The following ITGA11 variants were observed in gnomAD, a reference collection of about 807,000 sequenced individuals.
The protein encoded by ITGA11 is integrin subunit alpha 11, also known as integrin alpha-11.
A neutral mutation model predicts 141.9 loss-of-function variants in ITGA11; 97 were observed. The observed-to-expected ratio is 0.68, with a 90% CI of 0.58 to 0.81. The LOEUF is 0.81. ITGA11 is among the 30% of genes least tolerant of loss of function. The pLI is 0.00. For missense variants in ITGA11, 1,387 were observed against 1,559.2 expected, an observed-to-expected ratio of 0.89 and a Z score of 1.86; for synonymous variants, 658 against 624.6, an observed-to-expected ratio of 1.05 and a Z score of -0.80.
chr15:68,402,340 T>TA (rs932206736), intron 2 of ITGA11, among the ~76,000 whole-genome samples: 17 of 151,548 alleles, frequency 1.1e-4, no homozygotes, highest in East Asian at 1.9e-4. Context: ...ATGGTACATT[T>TA]AAAAAAAAAT....
intron 2 of ITGA11, among the ~76,000 whole-genome samples, chr15:68,385,720 C>T (rs1895969947): frequency 6.6e-6 from 1 of 152,160 alleles, no homozygotes; most frequent in Non-Finnish European, 1.5e-5. Context: ...GGAAATGCTG[C>T]AGAAATGGAA....
At position 68,320,296 on chromosome 15, in the gene ITGA11, G is replaced by C. The variant is rs2140286760; in HGVS notation, c.2505C>G (p.Arg835=). 1 of 1,614,004 alleles carries C rather than the reference G, an allele frequency of 6.2e-7. No individual in the cohort carries two copies. The highest frequency in any genetic ancestry group is 8.5e-7 in the Non-Finnish European group (1 of 1,179,878). ...GTGTGGCCTCCACCGCCACTCGCTG[G>C]CGTGTGCTCTCTATGATGAAGACTG... ...DTTVFIIEST[R]QRVAVEATLE... The change falls in exon 20 of 30, where the codon CGC becomes CGG. Residue 835 remains arginine, a synonymous_variant. Transcript: ENST00000315757.
chr15:68,312,749 TAC>T, intron 24 of ITGA11, 22 bp downstream of exon 24: 1 of 1,568,606 alleles, frequency 6.4e-7, no homozygotes, highest in Non-Finnish European at 8.8e-7. Context: ...CTTCCCCCTC[TAC>T]CCGGCTCCCC....
At chr15:68,347,243 C>T (rs1466443131) in intron 10 of ITGA11, among the ~76,000 whole-genome samples, 1 of 152,232 alleles carries the variant, frequency 6.6e-6, no homozygotes, top group East Asian at 1.9e-4. Context: ...CCCTCAGACT[C>T]TGAGCTCCTT....
At chr15:68,348,372 G>T (rs1041096054) in intron 10 of ITGA11, among the ~76,000 whole-genome samples, 1 of 152,212 alleles carries the variant, frequency 6.6e-6, no homozygotes, top group African/African-American at 2.4e-5. Flanking sequence ...TGTGCAGGCC[G>T]CCTTGGGCAC....
chr15:68,341,592 G>C (rs1360011802), intron 10 of ITGA11, among the ~76,000 whole-genome samples: 1 of 152,214 alleles, frequency 6.6e-6, no homozygotes, highest in Non-Finnish European at 1.5e-5. Flanking sequence ...TGTGGGTCCA[G>C]CTTTCCATTT....
At position 68,311,395 on chromosome 15, in the gene ITGA11, G is replaced by C; in HGVS notation, c.2982C>G (p.Asn994Lys). The change falls in exon 25 of 30, where the codon AAC becomes AAG. Residue 994 changes from asparagine (N) to lysine (K), a missense_variant. Asn to Lys is a moderately conservative substitution (Grantham distance 94, BLOSUM62 0). Transcript: ENST00000315757. Reference sequence around the variant, plus strand: ...TCCCGTGGATGGGGAACAAGCCCAAGTTCTGGATCTGTGGCCAGAGACAGG... The same window carrying C: ...TCCCGTGGATGGGGAACAAGCCCAACTTCTGGATCTGTGGCCAGAGACAGG... Reference protein sequence around the residue: ...PPFSCIFRIQNLGLFPIHGMM... With the variant: ...PPFSCIFRIQKLGLFPIHGMM... 6.4e-7 allele frequency: 1 copy of C among 1,560,688 alleles called. No individual in the cohort carries two copies. Among genetic ancestry groups the C allele is most frequent in the Non-Finnish European group, 8.7e-7 (1 of 1,151,070 alleles).
rs930074301 is a variant in ITGA11 at position 68,325,360 on chromosome 15, G to GC, written c.2212-120dup. ...TTAGATGGCAGGGCAGCTGCCCTGT[G>GC]CCCTCAGGGTGAGTCTGCAGGTGGA... On this transcript the variant is annotated intron_variant, in intron 17 of 29. Coordinates refer to ENST00000315757, the MANE Select transcript of ITGA11 (RefSeq NM_001004439.2). This position sits in a 1 kb window ranked among gnomAD's most constrained non-coding sequence, Gnocchi z 5.5. The GC allele has an allele frequency of 5.7e-6, 4 of 705,796 alleles. No homozygotes were observed. The African/African-American group carries it at 7.0e-5, about 12-fold the overall frequency. The allele number at this position is 705,796 out of a possible 1,614,324, so 43.7% of individuals were successfully genotyped here.
rs1895361359 is a variant in ITGA11 at position 68,364,715 on chromosome 15, T to C, written c.349A>G (p.Ser117Gly). The C allele has an allele frequency of 1.3e-6, 2 of 1,575,562 alleles. No individual in the cohort carries two copies. The highest frequency in any genetic ancestry group is 1.7e-6 in the Non-Finnish European group (2 of 1,155,360). The part of the protein sequence containing the change: ...LSLATNPKDN[S>G]FLACSPLWSH... ...TGGCAGGTGGCTCTTACCAGGAAGC[T>C]GTTGTCCTTGGGGTTGGTGGCGAGA... Residue 117 changes from serine to glycine, a missense_variant, in exon 4 of 30, where the codon AGC becomes GGC. Coordinates refer to ENST00000315757, the MANE Select transcript of ITGA11 (RefSeq NM_001004439.2).
chr15:68,328,085 G>T lies in ITGA11; in HGVS notation c.2068+11C>A. On this transcript the variant is annotated intron_variant, in intron 16 of 29. Transcript: ENST00000315757. This position sits in a 1 kb window ranked among gnomAD's most constrained non-coding sequence, Gnocchi z 4.8. ...GTCTGGGGGTGGGGAGAAAGGAGGG[G>T]CCTGCTTTACCAACAGTTGTTGTTT... 1 of 1,611,048 alleles carries T rather than the reference G, an allele frequency of 6.2e-7. No homozygotes were observed. Among genetic ancestry groups the T allele is most frequent in the Non-Finnish European group, 8.5e-7 (1 of 1,178,560 alleles).
chr15:68,414,726 A>G (rs1044206815), intron 1 of ITGA11, among the ~76,000 whole-genome samples: 8 of 152,184 alleles, frequency 5.3e-5, no homozygotes, highest in African/African-American at 1.9e-4. Context: ...GGCCTCCGCA[A>G]GTATCTATCA....
intron 2 of ITGA11, among the ~76,000 whole-genome samples, chr15:68,373,620 T>C (rs1895651473): frequency 6.6e-6 from 1 of 152,144 alleles, no homozygotes; most frequent in Non-Finnish European, 1.5e-5. Context: ...AGCACATAGC[T>C]CAGGTTAGGA....
chr15:68,309,235 T>C (rs1893300225), intron 26 of ITGA11, among the ~76,000 whole-genome samples: 1 of 152,216 alleles, frequency 6.6e-6, no homozygotes. Flanking sequence ...TAACAGTTTT[T>C]CGGAATGCTC....
At chr15:68,407,524 C>A (rs1595895062) in intron 1 of ITGA11, among the ~76,000 whole-genome samples, 1 of 152,206 alleles carries the variant, frequency 6.6e-6, no homozygotes, top group East Asian at 1.9e-4. Context: ...TTGATGACTT[C>A]CAAATACCAA....
chr15:68,403,781 C>T (rs1242971075), intron 1 of ITGA11, among the ~76,000 whole-genome samples: 1 of 152,102 alleles, frequency 6.6e-6, no homozygotes, highest in Admixed American at 6.5e-5. Flanking sequence ...ACTGCAGGGA[C>T]ATACCACTGT....
Position 68,315,632 on chromosome 15 carries a change from G to A in ITGA11, c.2792+19C>T, listed in dbSNP as rs749114426. The A allele has an allele frequency of 5.0e-6, 8 of 1,603,544 alleles. No individual in the cohort carries two copies. The East Asian group carries it at 1.8e-4, about 36-fold the overall frequency. ...CGGAATAGCAAGCTTTGGGGAGAAGGAGCAGGCACGGCCCTGACCTGCCTG... is the reference window on the plus strand; with the variant it reads ...CGGAATAGCAAGCTTTGGGGAGAAGAAGCAGGCACGGCCCTGACCTGCCTG... On this transcript the variant is annotated intron_variant, in intron 22 of 29. Transcript: ENST00000315757.
At position 68,346,828 on chromosome 15, in the gene ITGA11, C is replaced by T. The variant is rs569758141; in HGVS notation, c.1131+2002G>A. Reference sequence around the variant, plus strand: ...CCTTCCTTCTATACTACCTTGATCACGTTGCTTTGGTTAACATTAGACATG... The same window carrying T: ...CCTTCCTTCTATACTACCTTGATCATGTTGCTTTGGTTAACATTAGACATG... On this transcript the variant is annotated intron_variant, in intron 10 of 29. Coordinates refer to ENST00000315757, the MANE Select transcript of ITGA11 (RefSeq NM_001004439.2). Among the ~76,000 whole-genome samples the T allele has an allele frequency of 3.2e-4, 49 of 152,310 alleles. No homozygotes were observed. The South Asian group carries it at 8.9e-3, about 28-fold the overall frequency.
At chr15:68,365,964 G>A (rs1185124029) in intron 3 of ITGA11, among the ~76,000 whole-genome samples, 4 of 152,198 alleles carry the variant, frequency 2.6e-5, no homozygotes, top group African/African-American at 9.6e-5. Flanking sequence ...GCCAGCTGGT[G>A]CAGGAGTCTG....
intron 18 of ITGA11, among the ~76,000 whole-genome samples, chr15:68,323,228 G>A (rs1300774811): frequency 6.6e-6 from 1 of 152,154 alleles, no homozygotes; most frequent in Admixed American, 6.5e-5. Context: ...AGGGGTCACC[G>A]TGGAGCCGTT....
Sources: gnomAD v4.1 joint callset for allele counts (sites outside exome capture counted in the v4.1 genomes callset) on GRCh38, gnomAD v4.1.1 for gene constraint, Gnocchi (gnomAD v3.1) non-coding constraint, MANE v1.5 for transcripts, NCBI Gene and HGNC (gene_info 2026-07-23, HGNC 2026-07-21) for gene names.